RIT2: variants seen among roughly 807,000 people sequenced by gnomAD.
RIT2 encodes the protein Ras like without CAAX 2.
A neutral mutation model predicts 23.7 loss-of-function variants in RIT2; 24 were observed. That is an observed-to-expected ratio of 1.01 (90% CI 0.73 to 1.43). The LOEUF (loss-of-function observed/expected upper bound fraction) is 1.43. Among genes scored for constraint, RIT2 ranks in the 40% most tolerant of loss-of-function variants. RIT2 has a pLI of 0.00. For synonymous variants in RIT2, 107 were observed against 91.1 expected, an observed-to-expected ratio of 1.17 and a Z score of -0.99; for missense variants, 236 against 266.9, an observed-to-expected ratio of 0.88 and a Z score of 0.81.
At chr18:42,945,321 G>A (rs1909702217) in intron 3 of RIT2, among the ~76,000 whole-genome samples, 1 of 151,284 alleles carries the variant, frequency 6.6e-6, no homozygotes, top group Non-Finnish European at 1.5e-5. Flanking sequence ...CTACAAATAT[G>A]CATAATCAAT....
intron 4 of RIT2, among the ~76,000 whole-genome samples, chr18:42,815,760 A>G (rs1905977145): frequency 6.6e-6 from 1 of 152,160 alleles, no homozygotes; most frequent in African/African-American, 2.4e-5. Flanking sequence ...ACTTTTTAGA[A>G]AGTTCTCCAG....
intron 4 of RIT2, among the ~76,000 whole-genome samples, chr18:42,822,516 T>C (rs1015725597): frequency 6.6e-6 from 1 of 152,140 alleles, no homozygotes; most frequent in African/African-American, 2.4e-5. Context: ...TTCCAATACA[T>C]TGTTGTACAA....
At chr18:42,983,336 T>A (rs574800855) in intron 2 of RIT2, among the ~76,000 whole-genome samples, 1 of 151,956 alleles carries the variant, frequency 6.6e-6, no homozygotes, top group Non-Finnish European at 1.5e-5. Flanking sequence ...CTAGAGCTAA[T>A]CTCATGCCTT....
At chr18:42,808,020 T>G (rs1905733616) in intron 4 of RIT2, among the ~76,000 whole-genome samples, 1 of 152,192 alleles carries the variant, frequency 6.6e-6, no homozygotes, top group East Asian at 1.9e-4. Flanking sequence ...CAGATCCTAA[T>G]GAGCTGTCGG....
chr18:42,854,889 A>G (rs1907143198), intron 4 of RIT2, among the ~76,000 whole-genome samples: 1 of 152,130 alleles, frequency 6.6e-6, no homozygotes, highest in Non-Finnish European at 1.5e-5. Context: ...TCACACAACT[A>G]CTACCCAGAC....
chr18:42,877,556 A>G (rs1907776488), intron 4 of RIT2, among the ~76,000 whole-genome samples: 1 of 150,506 alleles, frequency 6.6e-6, no homozygotes, highest in Non-Finnish European at 1.5e-5. Context: ...ATACACACAT[A>G]GATACATATC....
intron 4 of RIT2, among the ~76,000 whole-genome samples, chr18:42,912,408 G>C (rs1908792759): frequency 6.6e-6 from 1 of 151,720 alleles, no homozygotes; most frequent in African/African-American, 2.4e-5. Flanking sequence ...AAATGATCCT[G>C]GAAATTTTAG....
At chr18:42,870,285 G>T (rs770188190) in intron 4 of RIT2, among the ~76,000 whole-genome samples, 1 of 152,034 alleles carries the variant, frequency 6.6e-6, no homozygotes, top group Non-Finnish European at 1.5e-5. Flanking sequence ...TTTTTGAGAC[G>T]CAGTCAGTAC....
At chr18:42,888,197 G>C (rs114028477) in intron 4 of RIT2, among the ~76,000 whole-genome samples, 3 of 151,684 alleles carry the variant, frequency 2.0e-5, no homozygotes, top group Non-Finnish European at 4.4e-5. Flanking sequence ...AGTTTGTAAC[G>C]AATATACCAC....
chr18:42,932,158 G>A (rs897829404), intron 3 of RIT2, among the ~76,000 whole-genome samples: 10 of 152,102 alleles, frequency 6.6e-5, no homozygotes, highest in Admixed American at 6.6e-4. Flanking sequence ...GAGGAAAGTG[G>A]TCATTGGAGC....
intron 4 of RIT2, among the ~76,000 whole-genome samples, chr18:42,779,347 G>A (rs1913751902): frequency 6.6e-6 from 1 of 151,978 alleles, no homozygotes; most frequent in Admixed American, 6.6e-5. Context: ...TTCCTCTGTT[G>A]GAGAGTAGGA....
chr18:43,033,933 A>G (rs917440524), intron 1 of RIT2, 66 bp from the exon 2 acceptor site: 1 of 1,051,202 alleles, frequency 9.5e-7, no homozygotes. Context: ...TTATTTACCA[A>G]CATAGTCCAC....
At chr18:43,072,388 T>C (rs1912919360) in intron 1 of RIT2, among the ~76,000 whole-genome samples, 1 of 152,208 alleles carries the variant, frequency 6.6e-6, no homozygotes, top group Non-Finnish European at 1.5e-5. Flanking sequence ...TATGACACTG[T>C]TGGCAGAGTT....
At chr18:42,985,144 G>A (rs1353184601) in intron 2 of RIT2, among the ~76,000 whole-genome samples, 1 of 151,950 alleles carries the variant, frequency 6.6e-6, no homozygotes, top group Non-Finnish European at 1.5e-5. Flanking sequence ...AATGAGATGG[G>A]AAATTAGATT....
At chr18:42,809,259 C>T (rs1438607752) in intron 4 of RIT2, among the ~76,000 whole-genome samples, 2 of 152,120 alleles carry the variant, frequency 1.3e-5, no homozygotes, top group South Asian at 2.1e-4. Flanking sequence ...AATAGGGGCA[C>T]GGTTAAAAGA....
intron 4 of RIT2, among the ~76,000 whole-genome samples, chr18:42,827,311 G>C (rs1906324129): frequency 6.6e-6 from 1 of 152,056 alleles, no homozygotes; most frequent in Non-Finnish European, 1.5e-5. Context: ...AATAGCATTA[G>C]ATATCTTCAT....
At chr18:42,772,446 C>A (rs565754800) in intron 4 of RIT2, among the ~76,000 whole-genome samples, 1 of 151,852 alleles carries the variant, frequency 6.6e-6, no homozygotes, top group Non-Finnish European at 1.5e-5. Context: ...ACCCTCCAAC[C>A]TTTTGTTCTC....
chr18:42,770,844 GA>G (rs1230775682), intron 4 of RIT2, among the ~76,000 whole-genome samples: 2 of 151,144 alleles, frequency 1.3e-5, no homozygotes, highest in East Asian at 3.9e-4. Flanking sequence ...GAGAGGAAGG[GA>G]AAAAAAGGAA....
chr18:42,821,190 G>A (rs1906137908), intron 4 of RIT2, among the ~76,000 whole-genome samples: 1 of 151,978 alleles, frequency 6.6e-6, no homozygotes, highest in Non-Finnish European at 1.5e-5. Flanking sequence ...ATGAAAAACG[G>A]ACAAATACAG....
Sources: gnomAD v4.1 joint callset for allele counts (sites outside exome capture counted in the v4.1 genomes callset) on GRCh38, gnomAD v4.1.1 for gene constraint, MANE v1.5 for transcripts, NCBI Gene and HGNC (gene_info 2026-07-23, HGNC 2026-07-21) for gene names.